The following ADGRL2 variants were observed in gnomAD, a reference collection of about 807,000 sequenced individuals.
ADGRL2 encodes adhesion G protein-coupled receptor L2, also known as calcium-independent alpha-latrotoxin receptor 2.
A neutral mutation model predicts 157.4 loss-of-function variants in ADGRL2; 44 were observed. That is an observed-to-expected ratio of 0.28 (90% CI 0.22 to 0.36). ADGRL2 has a LOEUF of 0.36. Among genes scored for constraint, ADGRL2 ranks in the 10% least tolerant of loss-of-function variants. ADGRL2 has a pLI of 1.00. For missense variants in ADGRL2, 1,510 were observed against 1,768.9 expected, an observed-to-expected ratio of 0.85 and a Z score of 2.63; for synonymous variants, 585 against 624.7, an observed-to-expected ratio of 0.94 and a Z score of 0.95.
intron 16 of ADGRL2, among the ~76,000 whole-genome samples, chr1:81,971,254 A>C (rs1405358970): frequency 1.3e-5 from 2 of 152,194 alleles, no homozygotes; most frequent in African/African-American, 2.4e-5. Context: ...GTTATATGAA[A>C]AATGAACCAC....
At chr1:81,967,869 G>A (rs931582579) in intron 13 of ADGRL2, among the ~76,000 whole-genome samples, 157 bp from the exon 14 acceptor site, 3 of 152,088 alleles carry the variant, frequency 2.0e-5, no homozygotes, top group Non-Finnish European at 4.4e-5. Context: ...CTAGATATCT[G>A]CCTTGTATAA....
At chr1:81,420,543 G>A (rs1363749714) in intron 1 of ADGRL2, among the ~76,000 whole-genome samples, 2 of 152,168 alleles carry the variant, frequency 1.3e-5, no homozygotes, top group African/African-American at 4.8e-5. Flanking sequence ...CGTTTTCTGA[G>A]TTTTCTCAGG....
chr1:81,943,919 G>T lies in ADGRL2; in HGVS notation c.1210+150G>T, dbSNP rs1648903873. The T allele has an allele frequency of 3.2e-6, 2 of 618,276 alleles. No homozygotes were observed. The highest frequency in any genetic ancestry group is 1.8e-5 in the African/African-American group (1 of 54,062). The allele number at this position is 618,276 out of a possible 1,614,324, so 38.3% of individuals were successfully genotyped here. A position where few individuals can be genotyped will look rare whatever the true frequency, so the allele number is the denominator to read the frequency against. On this transcript the variant is annotated intron_variant, in intron 6 of 23. Transcript: ENST00000686636. The surrounding 1 kb of genome is among the most constrained non-coding windows in gnomAD (Gnocchi z 5.6). ...TGTGGTACATTTTAGCCTTATTATG[G>T]TTCGTTTTCTTTTTCTCAATTTCTT...
chr1:81,917,707 A>G (rs1290446291), intron 3 of ADGRL2, among the ~76,000 whole-genome samples: 1 of 152,198 alleles, frequency 6.6e-6, no homozygotes, highest in Non-Finnish European at 1.5e-5. Flanking sequence ...AAAGTGTCTG[A>G]AATGAGAGTT....
chr1:81,893,346 T>C (rs1242756304), intron 2 of ADGRL2, among the ~76,000 whole-genome samples: 1 of 152,050 alleles, frequency 6.6e-6, no homozygotes, highest in Non-Finnish European at 1.5e-5. Context: ...TCTTGAATAG[T>C]ACAGGAACTT....
chr1:81,897,511 A>G (rs926747805), intron 2 of ADGRL2, among the ~76,000 whole-genome samples: 10 of 152,156 alleles, frequency 6.6e-5, no homozygotes, highest in African/African-American at 2.4e-4. Context: ...GATAATTTAG[A>G]AGTTTTTAGG....
At chr1:81,521,971 T>G (rs920944081) in intron 2 of ADGRL2, among the ~76,000 whole-genome samples, 1 of 151,474 alleles carries the variant, frequency 6.6e-6, no homozygotes, top group African/African-American at 2.4e-5. Context: ...CTTTTTGTTT[T>G]TTTTTTTTTT....
intron 2 of ADGRL2, among the ~76,000 whole-genome samples, chr1:81,572,200 C>T (rs925293640): frequency 1.3e-5 from 2 of 152,190 alleles, no homozygotes; most frequent in East Asian, 3.8e-4. Flanking sequence ...GTCATTCTCA[C>T]TTTTACTGCA....
At chr1:81,931,349 T>C (rs892670179) in intron 3 of ADGRL2, among the ~76,000 whole-genome samples, 10 of 152,196 alleles carry the variant, frequency 6.6e-5, no homozygotes, top group African/African-American at 2.2e-4. Context: ...TTGGGTTTAT[T>C]TTAGTTATAT....
At chr1:81,783,162 C>T (rs1021884972) in intron 2 of ADGRL2, among the ~76,000 whole-genome samples, 1 of 152,164 alleles carries the variant, frequency 6.6e-6, no homozygotes, top group Admixed American at 6.6e-5. Context: ...CTGGCTCTGT[C>T]GCCCAGGCTG....
Position 81,966,154 on chromosome 1 carries a change from C to A in ADGRL2, c.2114C>A (p.Ala705Glu). Residue 705 changes from alanine (A) to glutamate (E), a missense_variant, in exon 12 of 24, where the codon GCA becomes GAA. This residue lies in a region of ADGRL2 where 497 missense variants were observed against 627.2 expected (regional missense o/e 0.79). Coordinates refer to ENST00000686636, the MANE Select transcript of ADGRL2 (RefSeq NM_001366006.2). ...GCAGGCAGCTCAATCCAACTGTCCG[C>A]AAATACCGTCAAACAGAACAGCAGG... ...KGAGSSIQLS[A>E]NTVKQNSRNG... The A allele has an allele frequency of 6.2e-7, 1 of 1,614,056 alleles. No individual in the cohort carries two copies. The highest frequency in any genetic ancestry group is 8.5e-7 in the Non-Finnish European group (1 of 1,179,976).
In ADGRL2 at chr1:81,556,138, C is replaced by G. The variant is rs181869676; in HGVS notation, c.-247-24738C>G. On this transcript the variant is annotated intron_variant, in intron 2 of 24. Coordinates refer to the ADGRL2 transcript ENST00000370721. Reference sequence around the variant, plus strand: ...TCTGACTTATTTACCAAAAAATACTCATTTTGAGAGCTCTGGAAGCATTAC... The same window carrying G: ...TCTGACTTATTTACCAAAAAATACTGATTTTGAGAGCTCTGGAAGCATTAC... 2.6e-5 allele frequency among the ~76,000 whole-genome samples: 4 copies of G among 152,186 alleles called. No individual in the cohort carries two copies. In the East Asian group the frequency reaches 7.7e-4, roughly 29 times the overall value.
At chr1:81,869,326 G>A (rs2093632156) in intron 2 of ADGRL2, among the ~76,000 whole-genome samples, 1 of 151,802 alleles carries the variant, frequency 6.6e-6, no homozygotes, top group Non-Finnish European at 1.5e-5. Flanking sequence ...CCTGATCAAA[G>A]TTCTGATTTT....
chr1:81,438,131 G>T (rs1480599011), intron 1 of ADGRL2, among the ~76,000 whole-genome samples: 1 of 151,346 alleles, frequency 6.6e-6, no homozygotes, highest in Admixed American at 6.6e-5. Flanking sequence ...AGTGAGCTTT[G>T]ATGTAAGATT....
At chr1:81,680,861 C>T (rs2083098772) in intron 3 of ADGRL2, among the ~76,000 whole-genome samples, 1 of 151,986 alleles carries the variant, frequency 6.6e-6, no homozygotes, top group African/African-American at 2.4e-5. Context: ...AAAGAAATTA[C>T]AAGTAAAGGA....
intron 3 of ADGRL2, among the ~76,000 whole-genome samples, chr1:81,592,847 C>A (rs910296700): frequency 2.6e-5 from 4 of 151,912 alleles, no homozygotes; most frequent in Admixed American, 1.3e-4. Context: ...TTCCTTATAT[C>A]AGTAAAGTAT....
intron 3 of ADGRL2, chr1:81,596,439 G>C: frequency 4.4e-6 from 2 of 458,394 alleles, no homozygotes; most frequent in Non-Finnish European, 8.5e-6. Context: ...GCTCGTTAGA[G>C]TGATTCGAAT....
In ADGRL2 at chr1:81,474,629, A is replaced by G. The variant is rs553328924; in HGVS notation, c.-248+29540A>G. Among the ~76,000 whole-genome samples, 383 of 152,334 alleles carry G rather than the reference A, an allele frequency of 2.5e-3. 7 individuals are homozygous for G. Among genetic ancestry groups the G allele is most frequent in the African/African-American group, 8.7e-3 (361 of 41,590 alleles). ...AAATGCAGTCCATTTTAGAAATTAT[A>G]GAGTAGAGTCAAATCACTACATGAT... On this transcript the variant is annotated intron_variant, in intron 2 of 24. Transcript: ENST00000370721.
rs571938031 is a variant in ADGRL2, at chr1:81,604,021, T to G, written c.-143+23041T>G. 2.0e-4 allele frequency among the ~76,000 whole-genome samples: 31 copies of G among 151,592 alleles called. No homozygotes were observed. In the South Asian group the frequency reaches 6.3e-3, roughly 31 times the overall value. ...CTCTGTCCTTTAGGCTGGAATGCAGTGGCATGATCTCACCTCACTGCAACC... is the reference window on the plus strand; with the variant it reads ...CTCTGTCCTTTAGGCTGGAATGCAGGGGCATGATCTCACCTCACTGCAACC... On this transcript the variant is annotated intron_variant, in intron 3 of 24. Coordinates refer to the ADGRL2 transcript ENST00000370721.
Sources: allele counts gnomAD v4.1 joint callset (sites outside exome capture counted in the v4.1 genomes callset), GRCh38; gene constraint gnomAD v4.1.1; regional missense constraint gnomAD v4.1.1; non-coding constraint Gnocchi (gnomAD v3.1); transcripts MANE v1.5; gene names NCBI Gene and HGNC (gene_info 2026-07-23, HGNC 2026-07-21).